MAP7: variants seen among roughly 807,000 people sequenced by gnomAD.
MAP7 encodes microtubule associated protein 7.
A neutral mutation model predicts 94.8 loss-of-function variants in MAP7; 52 were observed. The ratio of observed to expected loss-of-function variants is 0.55; its 90% CI spans 0.44 to 0.69. MAP7 has a LOEUF of 0.69. Ranked by LOEUF, MAP7 falls within the 30% of genes least tolerant of loss-of-function variation. The pLI, the probability that MAP7 is intolerant of heterozygous loss-of-function variation, is 0.00. For synonymous variants in MAP7, 350 were observed against 357.0 expected (o/e 0.98, Z 0.22); for missense variants, 940 against 964.6 (o/e 0.97, Z 0.34).
chr6:136,354,391 GAT>G (rs201414594), intron 16 of MAP7, among the ~76,000 whole-genome samples: 2,939 of 138,236 alleles, frequency 0.021, 130 homozygotes, highest in African/African-American at 0.072. Flanking sequence ...ATATATAGTA[GAT>G]ATATATATAT....
intron 1 of MAP7, among the ~76,000 whole-genome samples, chr6:136,456,822 G>GAAGAAGAAGAAGAAGAAGAAGAAGAAGAA (rs1554259490): frequency 1.4e-5 from 1 of 69,022 alleles, no homozygotes; most frequent in Non-Finnish European, 2.6e-5. Context: ...AGAAGAAGAA[G>GAAGAAGAAGAAGAAGAAGAAGAAGAAGAA]GAAGAAGAAG....
intron 1 of MAP7, among the ~76,000 whole-genome samples, chr6:136,487,014 T>C (rs17642312): frequency 0.047 from 7,125 of 152,190 alleles, 229 homozygotes; most frequent in Non-Finnish European, 0.067. Flanking sequence ...ATATGTAACA[T>C]CACCAGTAAT....
chr6:136,362,813 AGG>A lies in MAP7; in HGVS notation c.1274-113_1274-112del, dbSNP rs1461738933. The A allele has an allele frequency of 3.0e-5, 44 of 1,465,846 alleles. No individual in the cohort carries two copies. The East Asian group carries it at 1.0e-3, about 34-fold the overall frequency. 90.8% of individuals were successfully genotyped at this position (1,465,846 alleles called of 1,614,324 possible). A position where few individuals can be genotyped will look rare whatever the true frequency, so the allele number is the denominator to read the frequency against. ...CTAGAATTTACCATTATGAAAGAAA[AGG>A]GAATGTTTATTACTGTGTGTTCTCA... On this transcript the variant is annotated intron_variant, in intron 10 of 17. Coordinates refer to ENST00000354570, the MANE Select transcript of MAP7 (RefSeq NM_003980.6).
At position 136,433,063 on chromosome 6, in the gene MAP7, T is replaced by C. The variant is rs1234229633; in HGVS notation, c.68-11264A>G. 3.3e-5 allele frequency among the ~76,000 whole-genome samples: 5 copies of C among 152,276 alleles called. No individual in the cohort carries two copies. In the East Asian group the frequency reaches 7.7e-4, roughly 24 times the overall value. ...CTTTAAGAAAGAAATGTCTATTACA[T>C]GGTTAGGAAATTCAAAAAAGTACAA... On this transcript the variant is annotated intron_variant, in intron 1 of 17. Transcript: ENST00000354570.
intron 5 of MAP7, 61 bp from the exon 6 acceptor site, chr6:136,383,842 T>C: frequency 1.0e-6 from 1 of 986,938 alleles, no homozygotes; most frequent in Non-Finnish European, 1.6e-6. Context: ...ATTTCCTAGT[T>C]CACTGATGGA....
chr6:136,456,849 G>GAAGAAGAAGAAGAAGAAGAACAA (rs1562422597), intron 1 of MAP7, among the ~76,000 whole-genome samples: 1 of 72,412 alleles, frequency 1.4e-5, no homozygotes, highest in Non-Finnish European at 2.7e-5. Flanking sequence ...AAGAAGAAGA[G>GAAGAAGAAGAAGAAGAAGAACAA]GAAGAAGAAG....
At chr6:136,506,330 G>T (rs532315415) in intron 1 of MAP7, among the ~76,000 whole-genome samples, 3 of 152,070 alleles carry the variant, frequency 2.0e-5, no homozygotes, top group Non-Finnish European at 4.4e-5. Flanking sequence ...CACTGAGAAC[G>T]AAGAGGTCAC....
chr6:136,512,966 G>C lies in MAP7; in HGVS notation c.67+37376C>G, dbSNP rs181388086. Among the ~76,000 whole-genome samples, 19 of 152,052 alleles carry C rather than the reference G, an allele frequency of 1.2e-4. No homozygotes were observed. The East Asian group carries it at 3.7e-3, about 29-fold the overall frequency. ...TCTGCATCAGCCTCTCAAGTTGCTA[G>C]GACTATAGGCTTGTGATACCACACC... On this transcript the variant is annotated intron_variant, in intron 1 of 17. Coordinates refer to ENST00000354570, the MANE Select transcript of MAP7 (RefSeq NM_003980.6).
intron 2 of MAP7, among the ~76,000 whole-genome samples, chr6:136,412,232 A>C (rs1355253225): frequency 6.6e-6 from 1 of 152,158 alleles, no homozygotes; most frequent in Non-Finnish European, 1.5e-5. Flanking sequence ...AATAGAACCT[A>C]TCTCTCATTA....
At chr6:136,493,742 T>C (rs973092865) in intron 1 of MAP7, among the ~76,000 whole-genome samples, 1 of 152,256 alleles carries the variant, frequency 6.6e-6, no homozygotes, top group South Asian at 2.1e-4. Context: ...TCGTTCTCAT[T>C]GGGATTCAAT....
chr6:136,419,032 C>T (rs1197794289), intron 2 of MAP7, among the ~76,000 whole-genome samples: 2 of 152,106 alleles, frequency 1.3e-5, no homozygotes, highest in African/African-American at 2.4e-5. Flanking sequence ...TTGACTTTAG[C>T]AATATAAATC....
At chr6:136,411,992 C>T (rs1205999202) in intron 2 of MAP7, among the ~76,000 whole-genome samples, 1 of 152,094 alleles carries the variant, frequency 6.6e-6, no homozygotes, top group Admixed American at 6.5e-5. Context: ...CCTAAGCTAC[C>T]AAACTTCTAT....
intron 1 of MAP7, among the ~76,000 whole-genome samples, chr6:136,476,781 A>G (rs944840230): frequency 3.3e-5 from 5 of 152,202 alleles, no homozygotes; most frequent in African/African-American, 9.7e-5. Flanking sequence ...ATGTGTGTGT[A>G]TATATATACA....
At chr6:136,463,543 C>A (rs913632600) in intron 1 of MAP7, among the ~76,000 whole-genome samples, 1 of 151,944 alleles carries the variant, frequency 6.6e-6, no homozygotes, top group Non-Finnish European at 1.5e-5. Flanking sequence ...TTTTTTCCAC[C>A]TTAACTAGTG....
intron 1 of MAP7, among the ~76,000 whole-genome samples, chr6:136,503,262 T>C (rs995525994): frequency 9.2e-5 from 14 of 152,192 alleles, no homozygotes; most frequent in Non-Finnish European, 1.9e-4. Context: ...CTTTGCTTTT[T>C]CTCTGCCCAC....
intron 1 of MAP7, among the ~76,000 whole-genome samples, chr6:136,430,408 T>C (rs986977277): frequency 6.6e-6 from 1 of 152,170 alleles, no homozygotes; most frequent in Non-Finnish European, 1.5e-5. Context: ...TACTTAAAAA[T>C]AGTTCTAAAC....
intron 8 of MAP7, among the ~76,000 whole-genome samples, chr6:136,371,917 A>T (rs1774629223): frequency 6.6e-6 from 1 of 152,244 alleles, no homozygotes; most frequent in Admixed American, 6.5e-5. Flanking sequence ...CAAAATCAGA[A>T]TTTATAGCAC....
chr6:136,468,543 T>C (rs1807904097), intron 1 of MAP7, among the ~76,000 whole-genome samples: 1 of 152,208 alleles, frequency 6.6e-6, no homozygotes, highest in South Asian at 2.1e-4. Flanking sequence ...CTACTGAATA[T>C]CATAGCTTAG....
At chr6:136,533,546 G>A (rs776380294) in intron 1 of MAP7, among the ~76,000 whole-genome samples, 19 of 152,186 alleles carry the variant, frequency 1.2e-4, no homozygotes, top group Non-Finnish European at 2.4e-4. Flanking sequence ...TCCCATCTGT[G>A]TTAGTCCGTT....
Sources: gnomAD v4.1 joint callset for allele counts (sites outside exome capture counted in the v4.1 genomes callset) on GRCh38, gnomAD v4.1.1 for gene constraint, MANE v1.5 for transcripts, NCBI Gene and HGNC (gene_info 2026-07-23, HGNC 2026-07-21) for gene names.